ATP8A2: variants seen among roughly 807,000 people sequenced by gnomAD.
The protein encoded by ATP8A2 is ATPase phospholipid transporting 8A2.
In ATP8A2, 100 loss-of-function variants were observed where a neutral mutation model predicts 165.6. The ratio of observed to expected loss-of-function variants is 0.60; its 90% confidence interval spans 0.51 to 0.71. The LOEUF is 0.71. Ranked by LOEUF, ATP8A2 falls within the 30% of genes least tolerant of loss-of-function variation. The pLI is 0.00. For synonymous variants in ATP8A2, 543 were observed against 548.8 expected, an observed-to-expected ratio of 0.99 and a Z score of 0.15; for missense variants, 1,227 against 1,479.5, an observed-to-expected ratio of 0.83 and a Z score of 2.80.
At chr13:25,846,645 G>A (rs1951871456) in intron 30 of ATP8A2, among the ~76,000 whole-genome samples, 1 of 152,182 alleles carries the variant, frequency 6.6e-6, no homozygotes, top group South Asian at 2.1e-4. Flanking sequence ...GAGGATAAGT[G>A]TAATAAGGCC....
chr13:25,866,645 GACAC>G (rs891327956), intron 33 of ATP8A2, among the ~76,000 whole-genome samples: 7 of 151,908 alleles, frequency 4.6e-5, no homozygotes, highest in Non-Finnish European at 1.0e-4. Flanking sequence ...CACACAGAGA[GACAC>G]ACACACAGAC....
chr13:25,896,799 G>A (rs1231611619), intron 33 of ATP8A2, among the ~76,000 whole-genome samples: 1 of 152,024 alleles, frequency 6.6e-6, no homozygotes, highest in Non-Finnish European at 1.5e-5. Context: ...GGCCTTCTTT[G>A]TCTCTTTTGA....
At position 25,885,660 on chromosome 13, in the gene ATP8A2, A is replaced by G. The variant is rs141977467; in HGVS notation, c.3183+23252A>G. On this transcript the variant is annotated intron_variant, in intron 33 of 36. Coordinates refer to ENST00000381655, the MANE Select transcript of ATP8A2 (RefSeq NM_016529.6). ...GTGTCCTGCTGTTTTTCATTATGCT[A>G]TTTTCTTCCTATTTATTCTATGGTC... Among the ~76,000 whole-genome samples the G allele has an allele frequency of 2.2e-3, 342 of 152,190 alleles. 1 individual carries two copies. Among genetic ancestry groups the G allele is most frequent in the African/African-American group, 6.3e-3 (260 of 41,534 alleles).
chr13:25,930,170 G>A (rs1171845476), intron 33 of ATP8A2, among the ~76,000 whole-genome samples: 3 of 151,986 alleles, frequency 2.0e-5, no homozygotes, highest in Non-Finnish European at 2.9e-5. Flanking sequence ...CTCCCTCCAC[G>A]CTGACACTCT....
intron 6 of ATP8A2, among the ~76,000 whole-genome samples, chr13:25,537,301 T>C (rs2038317324): frequency 6.6e-6 from 1 of 152,322 alleles, no homozygotes; most frequent in Non-Finnish European, 1.5e-5. Flanking sequence ...GAATTTACTG[T>C]TGCCTTTTAA....
chr13:25,963,232 A>C (rs1360371431), intron 34 of ATP8A2, among the ~76,000 whole-genome samples: 1 of 152,050 alleles, frequency 6.6e-6, no homozygotes, highest in Non-Finnish European at 1.5e-5. Flanking sequence ...CGTCTCTACT[A>C]TAAATACAAA....
intron 33 of ATP8A2, among the ~76,000 whole-genome samples, chr13:25,878,071 G>A (rs536188148): frequency 6.6e-6 from 1 of 152,302 alleles, no homozygotes; most frequent in South Asian, 2.1e-4. Context: ...AAGAATGGGG[G>A]TTCACTTACG....
At chr13:25,386,235 CA>C (rs1174607667) in intron 1 of ATP8A2, among the ~76,000 whole-genome samples, 1 of 152,048 alleles carries the variant, frequency 6.6e-6, no homozygotes, top group Non-Finnish European at 1.5e-5. Flanking sequence ...TTTCAAAGAG[CA>C]TTATAAAAGT....
intron 28 of ATP8A2, among the ~76,000 whole-genome samples, chr13:25,829,008 C>G (rs1382093994): frequency 6.6e-6 from 1 of 152,152 alleles, no homozygotes; most frequent in Admixed American, 6.6e-5. Context: ...ATGGAAGTTA[C>G]CAGACATACA....
At chr13:25,841,633 C>G (rs2138668180) in intron 30 of ATP8A2, among the ~76,000 whole-genome samples, 1 of 152,226 alleles carries the variant, frequency 6.6e-6, no homozygotes, top group South Asian at 2.1e-4. Flanking sequence ...GTTCATTAAC[C>G]TTATTCCTGT....
chr13:25,993,288 A>G (rs1049177931), intron 35 of ATP8A2, among the ~76,000 whole-genome samples: 3 of 152,200 alleles, frequency 2.0e-5, no homozygotes, highest in Non-Finnish European at 4.4e-5. Flanking sequence ...CCCACAGCCA[A>G]TATCATACTG....
At chr13:25,819,276 C>T (rs1281837597) in intron 27 of ATP8A2, among the ~76,000 whole-genome samples, 1 of 152,094 alleles carries the variant, frequency 6.6e-6, no homozygotes, top group East Asian at 1.9e-4. Context: ...AAGACTCAGT[C>T]AGCAATAGAA....
intron 25 of ATP8A2, among the ~76,000 whole-genome samples, chr13:25,735,967 A>T (rs959570093): frequency 1.3e-5 from 2 of 152,172 alleles, no homozygotes; most frequent in African/African-American, 4.8e-5. Flanking sequence ...ATACGCGACT[A>T]CTATTTTTAT....
rs147723925 is a variant in ATP8A2 at position 25,898,798 on chromosome 13, C to T, written c.3183+36390C>T. On this transcript the variant is annotated intron_variant, in intron 33 of 36. Coordinates refer to ENST00000381655, the MANE Select transcript of ATP8A2 (RefSeq NM_016529.6). The stretch of plus-strand genomic sequence containing the variant: ...CTCAGACTACTGTACTAGCAATGAA[C>T]GAGGCTCCGTGGGCATAGAACCCTC... Among the ~76,000 whole-genome samples, 542 of 152,308 alleles carry T rather than the reference C, an allele frequency of 3.6e-3. 3 individuals are homozygous for T. The highest frequency in any genetic ancestry group is 5.4e-3 in the Non-Finnish European group (364 of 68,022).
At chr13:25,463,158 T>C (rs1162317252) in intron 1 of ATP8A2, among the ~76,000 whole-genome samples, 1 of 138,512 alleles carries the variant, frequency 7.2e-6, no homozygotes, top group Non-Finnish European at 1.6e-5. Flanking sequence ...TAATGAAACT[T>C]TTTTGCCAGG....
intron 12 of ATP8A2, 130 bp from the exon 13 acceptor site, chr13:25,554,859 CAA>C: frequency 1.7e-6 from 1 of 573,292 alleles, no homozygotes; most frequent in East Asian, 3.3e-5. Flanking sequence ...TGCGCCCAGC[CAA>C]AATCAGCATT....
chr13:25,791,135 C>T (rs1451292896), intron 27 of ATP8A2, among the ~76,000 whole-genome samples: 1 of 152,080 alleles, frequency 6.6e-6, no homozygotes, highest in Non-Finnish European at 1.5e-5. Context: ...GGAATCAACC[C>T]AAATGCCCAT....
At chr13:25,919,750 C>G (rs2139024597) in intron 33 of ATP8A2, among the ~76,000 whole-genome samples, 1 of 152,268 alleles carries the variant, frequency 6.6e-6, no homozygotes, top group Admixed American at 6.5e-5. Flanking sequence ...TTATAGACCT[C>G]TCTGTACTTT....
At chr13:26,016,125 G>A (rs547910419) in intron 36 of ATP8A2, among the ~76,000 whole-genome samples, 121 of 152,332 alleles carry the variant, frequency 7.9e-4, no homozygotes, top group Non-Finnish European at 1.4e-3. Context: ...CCTCTCCCAA[G>A]ATAAACCTAT....
Sources: allele counts gnomAD v4.1 joint callset (sites outside exome capture counted in the v4.1 genomes callset), GRCh38; gene constraint gnomAD v4.1.1; transcripts MANE v1.5; gene names NCBI Gene and HGNC (gene_info 2026-07-23, HGNC 2026-07-21).